The following THSD4 variants were observed in gnomAD, a reference collection of about 807,000 sequenced individuals.
THSD4 encodes the protein thrombospondin type-1 domain-containing protein 4.
In THSD4, 69 loss-of-function variants were observed where a neutral mutation model predicts 119.0. The ratio of observed to expected loss-of-function variants is 0.58; its 90% CI spans 0.48 to 0.71. The LOEUF is 0.71. Ranked by LOEUF, THSD4 falls within the 30% of genes least tolerant of loss-of-function variation. THSD4 has a pLI of 0.00. For synonymous variants in THSD4, 524 were observed against 540.4 expected (o/e 0.97, Z 0.42); for missense variants, 1,393 against 1,391.1 (o/e 1.00, Z -0.02).
At chr15:71,199,597 A>ATG (rs1272901565) in intron 3 of THSD4, among the ~76,000 whole-genome samples, 1 of 47,556 alleles carries the variant, frequency 2.1e-5, no homozygotes, top group East Asian at 8.0e-4. Flanking sequence ...GGTGTGTGTG[A>ATG]TGTATGGTGT....
intron 6 of THSD4, among the ~76,000 whole-genome samples, chr15:71,301,919 T>C (rs1165843649): frequency 6.6e-6 from 1 of 152,154 alleles, no homozygotes; most frequent in African/African-American, 2.4e-5. Flanking sequence ...GCGAGCCCTT[T>C]AGTGTGGGGG....
chr15:71,432,261 A>G (rs943589971), intron 7 of THSD4, among the ~76,000 whole-genome samples: 1 of 152,206 alleles, frequency 6.6e-6, no homozygotes, highest in African/African-American at 2.4e-5. Context: ...GGAATGTTCA[A>G]AAGTAGTTCA....
chr15:71,413,307 C>T (rs973665516), intron 7 of THSD4, among the ~76,000 whole-genome samples: 6 of 152,218 alleles, frequency 3.9e-5, no homozygotes, highest in Non-Finnish European at 8.8e-5. Flanking sequence ...GCCACCGCAC[C>T]CAGCTTCTAC....
chr15:71,405,298 T>C (rs1379391225), intron 6 of THSD4, among the ~76,000 whole-genome samples: 1 of 152,236 alleles, frequency 6.6e-6, no homozygotes, highest in African/African-American at 2.4e-5. Flanking sequence ...ATGTAGGTTT[T>C]CATTTCTTGT....
intron 7 of THSD4, among the ~76,000 whole-genome samples, chr15:71,509,478 G>T (rs888222396): frequency 6.6e-6 from 1 of 152,184 alleles, no homozygotes; most frequent in African/African-American, 2.4e-5. Flanking sequence ...GTAAGTAAGT[G>T]GAGTAAAATC....
chr15:71,268,358 T>G (rs970247063), intron 6 of THSD4, among the ~76,000 whole-genome samples: 22 of 152,280 alleles, frequency 1.4e-4, no homozygotes, highest in African/African-American at 5.1e-4. Flanking sequence ...GAATAACTAC[T>G]GGGTAAATAA....
At chr15:71,330,641 G>A (rs1209680002) in intron 6 of THSD4, among the ~76,000 whole-genome samples, 2 of 152,208 alleles carry the variant, frequency 1.3e-5, no homozygotes, top group African/African-American at 4.8e-5. Context: ...CTGGCATGCA[G>A]TAAACCCCTC....
At chr15:71,738,210 C>G (rs768578050) in intron 11 of THSD4, 3 of 659,154 alleles carry the variant, frequency 4.6e-6, no homozygotes, top group Non-Finnish European at 7.6e-6. Flanking sequence ...TAGTTAGAGT[C>G]TCATAAGGAG....
chr15:71,503,148 C>T (rs2048136441), intron 7 of THSD4, among the ~76,000 whole-genome samples: 1 of 152,112 alleles, frequency 6.6e-6, no homozygotes, highest in Non-Finnish European at 1.5e-5. Context: ...CACATTTGAG[C>T]TGTGATTGAC....
intron 6 of THSD4, among the ~76,000 whole-genome samples, chr15:71,284,396 G>A (rs1042158277): frequency 3.3e-5 from 5 of 152,098 alleles, no homozygotes; most frequent in African/African-American, 7.2e-5. Flanking sequence ...TAAGTGTTGG[G>A]GCATTCCACA....
intron 3 of THSD4, among the ~76,000 whole-genome samples, chr15:71,156,442 G>A (rs1037040621): frequency 6.6e-6 from 1 of 151,370 alleles, no homozygotes; most frequent in Non-Finnish European, 1.5e-5. Flanking sequence ...TGTATGATCA[G>A]TAGAGACAGT....
intron 8 of THSD4, among the ~76,000 whole-genome samples, chr15:71,688,634 T>C (rs1443511971): frequency 6.6e-6 from 1 of 152,142 alleles, no homozygotes; most frequent in Non-Finnish European, 1.5e-5. Flanking sequence ...TTAGGTTCCC[T>C]GTTTAATCAT....
intron 7 of THSD4, among the ~76,000 whole-genome samples, chr15:71,608,966 C>T (rs2050169503): frequency 6.6e-6 from 1 of 152,172 alleles, no homozygotes; most frequent in Admixed American, 6.5e-5. Context: ...ACATCAGTCT[C>T]TCCCTGGGCA....
At chr15:71,281,695 G>A (rs1298528488) in intron 6 of THSD4, among the ~76,000 whole-genome samples, 1 of 152,132 alleles carries the variant, frequency 6.6e-6, no homozygotes, top group Non-Finnish European at 1.5e-5. Context: ...TGTGTTAAGT[G>A]GGATCCTTTC....
At chr15:71,432,014 G>A (rs1455465143) in intron 7 of THSD4, among the ~76,000 whole-genome samples, 1 of 151,950 alleles carries the variant, frequency 6.6e-6, no homozygotes, top group African/African-American at 2.4e-5. Flanking sequence ...CACACAAAGA[G>A]ATCTGGTTAT....
chr15:71,162,116 A>C (rs2043254601), intron 3 of THSD4, among the ~76,000 whole-genome samples: 1 of 151,724 alleles, frequency 6.6e-6, no homozygotes. Flanking sequence ...TATGTTTTTG[A>C]CTTTTTTTGG....
chr15:71,318,557 A>G (rs929695856), intron 6 of THSD4, among the ~76,000 whole-genome samples: 3 of 152,200 alleles, frequency 2.0e-5, no homozygotes, highest in Non-Finnish European at 4.4e-5. Context: ...GGAGGCACTC[A>G]GGGTTTGGCC....
At chr15:71,435,576 A>G (rs1289470439) in intron 7 of THSD4, among the ~76,000 whole-genome samples, 1 of 152,224 alleles carries the variant, frequency 6.6e-6, no homozygotes, top group Non-Finnish European at 1.5e-5. Flanking sequence ...GGTTTAGAAT[A>G]CGACAGGCAA....
intron 6 of THSD4, among the ~76,000 whole-genome samples, chr15:71,352,148 CTGTCCTCTT>C (rs1399319000): frequency 5.9e-5 from 9 of 152,178 alleles, no homozygotes; most frequent in African/African-American, 2.2e-4. Context: ...TGATGCTTTC[CTGTCCTCTT>C]TGTCCTCTTT....
Sources: allele counts gnomAD v4.1 joint callset (sites outside exome capture counted in the v4.1 genomes callset), GRCh38; gene constraint gnomAD v4.1.1; transcripts MANE v1.5; gene names NCBI Gene and HGNC (gene_info 2026-07-23, HGNC 2026-07-21).